STEAP1B: variants seen among roughly 807,000 people sequenced by gnomAD.
The protein encoded by STEAP1B is STEAP family protein MGC87042.
STEAP1B carries 13 observed loss-of-function variants against 27.9 expected under a neutral mutation model. The observed-to-expected ratio is 0.47, with a 90% CI of 0.30 to 0.74. The LOEUF is 0.74. STEAP1B is among the 30% of genes least tolerant of loss of function. The pLI is 0.06. For missense variants in STEAP1B, 250 were observed against 298.7 expected (o/e 0.84, Z 1.20); for synonymous variants, 86 against 107.1 (o/e 0.80, Z 1.22).
intron 4 of STEAP1B, among the ~76,000 whole-genome samples, chr7:22,464,201 G>T (rs1028651646): frequency 6.6e-6 from 1 of 152,062 alleles, no homozygotes; most frequent in African/African-American, 2.4e-5. Context: ...CAATGTGTTC[G>T]CAATGCCATT....
At chr7:22,441,539 T>C (rs892334863) in intron 4 of STEAP1B, among the ~76,000 whole-genome samples, 6 of 152,242 alleles carry the variant, frequency 3.9e-5, no homozygotes, top group Admixed American at 6.5e-5. Context: ...TGCTCATTTC[T>C]GTTTGCCAGC....
chr7:22,492,635 G>A lies in STEAP1B; in HGVS notation c.692C>T (p.Ala231Val). The change falls in exon 4 of 5, where the codon GCT becomes GTT. Residue 231 changes from alanine (A) to valine (V), a missense_variant. Physicochemically the swap from Ala to Val is moderately conservative, Grantham distance 64. Coordinates refer to ENST00000678116, the MANE Select transcript of STEAP1B (RefSeq NM_001382447.1). ...TGGAATAGATGTCACAGCCAACAGA[G>A]CCAGTATTGCCAGTCCCACAATTCC... is the stretch of plus-strand genomic sequence containing the variant. ...SLGIVGLAIL[A>V]LLAVTSIPSV... is the part of the protein sequence containing the mutation. 1 of 1,613,626 alleles carries A rather than the reference G, an allele frequency of 6.2e-7. No individual in the cohort carries two copies. The highest frequency in any genetic ancestry group is 8.5e-7 in the Non-Finnish European group (1 of 1,179,774).
At chr7:22,464,184 T>C (rs1785730433) in intron 4 of STEAP1B, among the ~76,000 whole-genome samples, 1 of 152,206 alleles carries the variant, frequency 6.6e-6, no homozygotes. Flanking sequence ...AATATTTAAA[T>C]TTAGAACAAT....
chr7:22,479,679 CTTTT>C (rs569050091), intron 4 of STEAP1B, among the ~76,000 whole-genome samples: 4 of 92,116 alleles, frequency 4.3e-5, no homozygotes, highest in Non-Finnish European at 5.8e-5. Flanking sequence ...TCATGTGTGG[CTTTT>C]TTTTTTTTTT....
At chr7:22,475,571 T>C (rs113230287) in intron 4 of STEAP1B, among the ~76,000 whole-genome samples, 13,882 of 152,306 alleles carry the variant, frequency 0.091, 769 homozygotes, top group Non-Finnish European at 0.12. Flanking sequence ...GGCCTTGCTA[T>C]GTTGCCCAGG....
At chr7:22,484,129 G>A (rs1786133599) in intron 4 of STEAP1B, among the ~76,000 whole-genome samples, 1 of 152,214 alleles carries the variant, frequency 6.6e-6, no homozygotes, top group Non-Finnish European at 1.5e-5. Context: ...AAGCTGTAGT[G>A]AGTTACTCAG....
intron 4 of STEAP1B, chr7:22,438,559 TGA>T: frequency 1.9e-6 from 3 of 1,552,132 alleles, no homozygotes; most frequent in South Asian, 2.4e-5. Context: ...CTGAAACATG[TGA>T]GAGCTAACAT....
chr7:22,459,691 T>C (rs1785645649), intron 4 of STEAP1B, among the ~76,000 whole-genome samples: 1 of 152,206 alleles, frequency 6.6e-6, no homozygotes, highest in South Asian at 2.1e-4. Context: ...GTTGGGCCAT[T>C]ATCCTGCTAG....
At chr7:22,435,813 A>T (rs80354571) in intron 4 of STEAP1B, among the ~76,000 whole-genome samples, 2 of 152,208 alleles carry the variant, frequency 1.3e-5, no homozygotes, top group African/African-American at 4.8e-5. Flanking sequence ...CAGGTGTGAT[A>T]TAAGACTCAA....
chr7:22,439,601 C>T (rs1208067090), intron 4 of STEAP1B, among the ~76,000 whole-genome samples: 1 of 152,042 alleles, frequency 6.6e-6, no homozygotes, highest in Non-Finnish European at 1.5e-5. Context: ...AATAGGAATA[C>T]AAAATTTTGG....
chr7:22,427,487 A>C (rs1785123747), intron 4 of STEAP1B, among the ~76,000 whole-genome samples: 1 of 152,222 alleles, frequency 6.6e-6, no homozygotes, highest in East Asian at 1.9e-4. Context: ...AGGGTGGAAA[A>C]GAATAGGTAG....
intron 1 of STEAP1B, among the ~76,000 whole-genome samples, chr7:22,498,590 T>C (rs930136162): frequency 4.6e-5 from 7 of 152,060 alleles, no homozygotes; most frequent in Non-Finnish European, 4.4e-5. Context: ...GAATGCAAAG[T>C]TAAATGAGAT....
At chr7:22,456,972 A>ATATATATATATATTTTTTTTTT in intron 4 of STEAP1B, among the ~76,000 whole-genome samples, 1 of 57,046 alleles carries the variant, frequency 1.8e-5, no homozygotes. Flanking sequence ...ATATATATAT[A>ATATATATATATATTTTTTTTTT]TTTTTTTTTT....
At chr7:22,451,204 A>C (rs1318633229) in intron 4 of STEAP1B, among the ~76,000 whole-genome samples, 1 of 146,672 alleles carries the variant, frequency 6.8e-6, no homozygotes, top group Non-Finnish European at 1.5e-5. Context: ...AAAAAAAAAA[A>C]GAAAAGAAAA....
At chr7:22,470,319 C>A (rs1473118721) in intron 4 of STEAP1B, among the ~76,000 whole-genome samples, 11 of 151,864 alleles carry the variant, frequency 7.2e-5, no homozygotes, top group African/African-American at 2.7e-4. Context: ...CTTGAGGGGG[C>A]AAAAATAAGT....
intron 4 of STEAP1B, chr7:22,438,690 T>G (rs1407041612): frequency 6.4e-7 from 1 of 1,551,678 alleles, no homozygotes; most frequent in South Asian, 1.2e-5. Context: ...TGCCTACCAG[T>G]TGTGTCTTGG....
chr7:22,464,948 C>CATATATATATATATATATGT (rs75308240), intron 4 of STEAP1B, among the ~76,000 whole-genome samples: 1,321 of 45,026 alleles, frequency 0.029, 255 homozygotes, highest in African/African-American at 0.07. Context: ...TACCAAACCC[C>CATATATATATATATATATGT]ATATATATAT....
chr7:22,439,067 T>TG (rs1301269511), intron 4 of STEAP1B, among the ~76,000 whole-genome samples: 5 of 152,134 alleles, frequency 3.3e-5, no homozygotes, highest in Admixed American at 1.3e-4. Flanking sequence ...CTATCCAACA[T>TG]GGGGGGTCCT....
chr7:22,447,402 T>C (rs1029006599), intron 4 of STEAP1B, among the ~76,000 whole-genome samples: 2 of 152,218 alleles, frequency 1.3e-5, no homozygotes, highest in Non-Finnish European at 2.9e-5. Flanking sequence ...GTCAATATTG[T>C]ATATTTATAA....
Sources: allele counts gnomAD v4.1 joint callset (sites outside exome capture counted in the v4.1 genomes callset), GRCh38; gene constraint gnomAD v4.1.1; transcripts MANE v1.5; gene names NCBI Gene and HGNC (gene_info 2026-07-23, HGNC 2026-07-21).